Variants in CSMD1 observed in about 807,000 individuals in gnomAD.
CSMD1 encodes CUB and sushi domain-containing protein 1.
CSMD1 carries 213 observed loss-of-function variants against 417.5 expected under a neutral mutation model. The ratio of observed to expected loss-of-function variants is 0.51; its 90% confidence interval spans 0.46 to 0.57. CSMD1 has a LOEUF of 0.57. CSMD1 is among the 20% of genes least tolerant of loss of function. The pLI, the probability that CSMD1 is intolerant of heterozygous loss-of-function variation, is 0.00. For synonymous variants in CSMD1, 2,862 were observed against 1,736.8 expected (o/e 1.65, Z -16.11); for missense variants, 6,923 against 4,529.7 (o/e 1.53, Z -15.17).
intron 3 of CSMD1, among the ~76,000 whole-genome samples, chr8:4,368,285 A>G (rs554170953): frequency 2.3e-4 from 35 of 152,278 alleles, no homozygotes; most frequent in African/African-American, 7.5e-4. Flanking sequence ...ATGGTGAATC[A>G]CATTTATTGA....
intron 2 of CSMD1, among the ~76,000 whole-genome samples, chr8:4,560,198 AAGC>A (rs1798267793): frequency 2.0e-5 from 3 of 152,218 alleles, no homozygotes; most frequent in African/African-American, 7.2e-5. Context: ...ATGCTGCAAG[AAGC>A]AGCAGCAGCA....
chr8:4,051,530 C>A (rs1314110740), intron 3 of CSMD1, among the ~76,000 whole-genome samples: 1 of 152,080 alleles, frequency 6.6e-6, no homozygotes, highest in Admixed American at 6.5e-5. Flanking sequence ...AATGCAACTT[C>A]GAATCAGCAG....
At chr8:3,336,427 A>C (rs1807266651) in intron 23 of CSMD1, among the ~76,000 whole-genome samples, 1 of 152,222 alleles carries the variant, frequency 6.6e-6, no homozygotes, top group Non-Finnish European at 1.5e-5. Flanking sequence ...AAATTCATAT[A>C]GCACTTGGAT....
rs113171655 is a variant in CSMD1 at position 4,445,544 on chromosome 8, T to C, written c.303-25479A>G. 5.3e-3 allele frequency among the ~76,000 whole-genome samples: 809 copies of C among 152,310 alleles called. 5 individuals carry two copies. Among genetic ancestry groups the C allele is most frequent in the African/African-American group, 0.019 (786 of 41,570 alleles). Reference sequence around the variant, plus strand: ...GTTTTGTTTTCATTTGGGTAGCTTGTGTGATAAAAATGGCTTCAATGAATT... The same window carrying C: ...GTTTTGTTTTCATTTGGGTAGCTTGCGTGATAAAAATGGCTTCAATGAATT... On this transcript the variant is annotated intron_variant, in intron 2 of 69. Transcript: ENST00000635120.
At chr8:3,044,166 A>ACCATG (rs1229731855) in intron 50 of CSMD1, among the ~76,000 whole-genome samples, 1 of 152,194 alleles carries the variant, frequency 6.6e-6, no homozygotes, top group Non-Finnish European at 1.5e-5. Flanking sequence ...TAGCCCAAAT[A>ACCATG]CCATGTCATA....
intron 60 of CSMD1, 84 bp downstream of exon 60, chr8:2,963,138 G>T: frequency 1.4e-6 from 2 of 1,467,146 alleles, no homozygotes; most frequent in South Asian, 1.2e-5. Context: ...AAGGTCCTCA[G>T]ATTGTAACCT....
intron 2 of CSMD1, among the ~76,000 whole-genome samples, chr8:4,585,937 T>C (rs920378207): frequency 3.3e-5 from 5 of 152,324 alleles, no homozygotes; most frequent in East Asian, 1.9e-4. Flanking sequence ...AATAAAATTA[T>C]TGATTTGTGG....
intron 3 of CSMD1, among the ~76,000 whole-genome samples, chr8:4,206,492 A>G (rs1009695466): frequency 1.3e-5 from 2 of 152,140 alleles, no homozygotes; most frequent in Admixed American, 6.5e-5. Flanking sequence ...AGCTTCGTCC[A>G]TGTCCCTACA....
intron 1 of CSMD1, among the ~76,000 whole-genome samples, chr8:4,686,604 C>T (rs926876355): frequency 2.0e-5 from 3 of 152,202 alleles, no homozygotes; most frequent in Non-Finnish European, 4.4e-5. Context: ...GTCTCACGTC[C>T]CGACGTCTGG....
At chr8:3,385,715 A>C (rs959526955) in intron 18 of CSMD1, among the ~76,000 whole-genome samples, 3 of 152,266 alleles carry the variant, frequency 2.0e-5, no homozygotes, top group Admixed American at 6.5e-5. Context: ...TTAAATATTT[A>C]TTTTAGAGTT....
rs115673087 is a variant in CSMD1, at chr8:4,035,256, G to A, written c.416-3157C>T. On this transcript the variant is annotated intron_variant, in intron 3 of 69. Coordinates refer to ENST00000635120, the MANE Select transcript of CSMD1 (RefSeq NM_033225.6). ...CCGGTGTGAACAAACCACCTGTGCA[G>A]CCAGTCATACAAATCTTCAGCACAT... is the stretch of plus-strand genomic sequence containing the variant. 3.9e-3 allele frequency among the ~76,000 whole-genome samples: 587 copies of A among 152,236 alleles called. 3 individuals are homozygous for A. Among genetic ancestry groups the A allele is most frequent in the African/African-American group, 0.014 (565 of 41,528 alleles).
intron 10 of CSMD1, among the ~76,000 whole-genome samples, chr8:3,496,785 C>G (rs964671376): frequency 6.6e-6 from 1 of 152,084 alleles, no homozygotes; most frequent in Non-Finnish European, 1.5e-5. Context: ...GAGATCACCA[C>G]CGCCACTGCA....
At chr8:3,755,091 C>A (rs931169779) in intron 5 of CSMD1, among the ~76,000 whole-genome samples, 1 of 152,154 alleles carries the variant, frequency 6.6e-6, no homozygotes, top group South Asian at 2.1e-4. Context: ...CTATTGAAAA[C>A]CTTATGTGCT....
At position 3,284,307 on chromosome 8, in the gene CSMD1, G is replaced by A. The variant is rs540063981; in HGVS notation, c.3990C>T (p.Asp1330=). The part of the protein sequence containing the change: ...FIVFDTEMAH[D]ILKVWDGPVD... Reference sequence around the variant, plus strand: ...CCGGCCCGTCCCAGACCTTGAGGATGTCGTGAGCCATCTCCGTGTCGAAAA... The same window carrying A: ...CCGGCCCGTCCCAGACCTTGAGGATATCGTGAGCCATCTCCGTGTCGAAAA... The change falls in exon 26 of 70, where the codon GAC becomes GAT. Residue 1330 remains aspartate (D), a synonymous_variant. Transcript: ENST00000635120. 2.9e-5 allele frequency: 46 copies of A among 1,613,922 alleles called. 1 individual carries two copies. In the East Asian group the frequency reaches 7.6e-4, roughly 27 times the overall value.
In CSMD1 at chr8:3,054,704, C is replaced by T. The variant is rs142956115; in HGVS notation, c.7475-2057G>A. ...ATGTGTCCATGTGCGCACGTGTGTA[C>T]GTGTGTGTACATGTGTGTAGTACAT... On this transcript the variant is annotated intron_variant, in intron 49 of 69. Transcript: ENST00000635120. Among the ~76,000 whole-genome samples the T allele has an allele frequency of 2.0e-3, 298 of 152,202 alleles. 1 individual carries two copies. Among genetic ancestry groups the T allele is most frequent in the African/African-American group, 6.4e-3 (265 of 41,526 alleles).
At chr8:3,304,091 T>TCATATTTTCCA (rs1489637164) in intron 25 of CSMD1, among the ~76,000 whole-genome samples, 2 of 152,180 alleles carry the variant, frequency 1.3e-5, no homozygotes, top group Non-Finnish European at 2.9e-5. Context: ...ACCAGCCTTT[T>TCATATTTTCCA]CATATTTTCC....
At chr8:4,967,111 TA>T (rs201809241) in intron 1 of CSMD1, among the ~76,000 whole-genome samples, 25 of 151,614 alleles carry the variant, frequency 1.6e-4, no homozygotes, top group African/African-American at 5.3e-4. Flanking sequence ...AAATTTGTCT[TA>T]AAAAAAAATC....
intron 3 of CSMD1, among the ~76,000 whole-genome samples, chr8:4,084,491 C>T (rs1031564258): frequency 1.3e-5 from 2 of 152,120 alleles, no homozygotes; most frequent in Non-Finnish European, 2.9e-5. Flanking sequence ...TTTCATTAAG[C>T]CTCTAACATT....
At chr8:4,511,603 G>A (rs1015580322) in intron 2 of CSMD1, among the ~76,000 whole-genome samples, 2 of 152,096 alleles carry the variant, frequency 1.3e-5, no homozygotes, top group Non-Finnish European at 2.9e-5. Flanking sequence ...TCCCAAGATT[G>A]GAGACACATA....
Sources: gnomAD v4.1 joint callset for allele counts (sites outside exome capture counted in the v4.1 genomes callset) on GRCh38, gnomAD v4.1.1 for gene constraint, MANE v1.5 for transcripts, NCBI Gene and HGNC (gene_info 2026-07-23, HGNC 2026-07-21) for gene names.